GHR: variants seen among roughly 807,000 people sequenced by gnomAD.
GHR encodes the protein growth hormone receptor, also known as GH receptor.
In GHR, 35 loss-of-function variants were observed where a neutral mutation model predicts 67.1. That is an observed-to-expected ratio of 0.52 (90% CI 0.40 to 0.69). The LOEUF is 0.69. Ranked by LOEUF, GHR falls within the 30% of genes least tolerant of loss-of-function variation. The pLI is 0.00. For synonymous variants in GHR, 272 were observed against 269.1 expected, an observed-to-expected ratio of 1.01 and a Z score of -0.10; for missense variants, 792 against 764.6, an observed-to-expected ratio of 1.04 and a Z score of -0.42.
chr5:42,449,243 T>C (rs187593286), intron 1 of GHR, among the ~76,000 whole-genome samples: 315 of 152,366 alleles, frequency 2.1e-3, no homozygotes, highest in African/African-American at 7.3e-3. Context: ...ATTTTCACAA[T>C]ATTGATTCTA....
At chr5:42,636,242 TAAG>T (rs1754185133) in intron 3 of GHR, among the ~76,000 whole-genome samples, 1 of 148,732 alleles carries the variant, frequency 6.7e-6, no homozygotes, top group South Asian at 2.1e-4. Flanking sequence ...AATTAGAGCC[TAAG>T]AAGGATGATT....
At chr5:42,643,710 T>C (rs1426353932) in intron 3 of GHR, among the ~76,000 whole-genome samples, 4 of 148,322 alleles carry the variant, frequency 2.7e-5, no homozygotes, top group Non-Finnish European at 4.5e-5. Flanking sequence ...GCCAAGATAA[T>C]ACATTATGCC....
At chr5:42,715,206 C>G (rs1473731626) in intron 8 of GHR, 1 of 263,508 alleles carries the variant, frequency 3.8e-6, no homozygotes, top group Non-Finnish European at 7.8e-6. Flanking sequence ...AAAGAATTAA[C>G]TTTATTTTTT....
chr5:42,717,699 C>A (rs1377912570), intron 8 of GHR, among the ~76,000 whole-genome samples: 2 of 152,058 alleles, frequency 1.3e-5, no homozygotes, highest in African/African-American at 4.8e-5. Context: ...TGCCTTATAG[C>A]TGAAATGGAA....
chr5:42,534,355 TATGTA>T (rs1432298044), intron 1 of GHR, among the ~76,000 whole-genome samples: 1 of 141,336 alleles, frequency 7.1e-6, no homozygotes, highest in African/African-American at 2.6e-5. Flanking sequence ...TGTATGTATA[TATGTA>T]CATGTGTATA....
chr5:42,448,603 T>TTAC (rs1743918824), intron 1 of GHR, among the ~76,000 whole-genome samples: 1 of 148,114 alleles, frequency 6.8e-6, no homozygotes, highest in South Asian at 2.1e-4. Context: ...ATTATTATTA[T>TTAC]TATTATTATT....
chr5:42,643,290 G>A (rs1004988902), intron 3 of GHR, among the ~76,000 whole-genome samples: 7 of 152,160 alleles, frequency 4.6e-5, no homozygotes, highest in African/African-American at 1.7e-4. Flanking sequence ...ACCTCTCAGA[G>A]GCTCTCATCT....
Position 42,424,593 on chromosome 5 carries a change from A to C in GHR, c.-12+638A>C, listed in dbSNP as rs1447810758. 4.6e-6 allele frequency: 7 copies of C among 1,534,876 alleles called. No homozygotes were observed. The highest frequency in any genetic ancestry group is 4.4e-6 in the Non-Finnish European group (5 of 1,146,242). On this transcript the variant is annotated intron_variant, in intron 1 of 9. Transcript: ENST00000230882. This position sits in a 1 kb window ranked among gnomAD's most constrained non-coding sequence, Gnocchi z 4.1. ...GAGTGACAGCCACCAGTCCGCATGA[A>C]CTGGGGTAAGTGGAAATTGTGGCGA...
chr5:42,628,977 A>G, intron 2 of GHR, 61 bp from the exon 3 acceptor site: 1 of 950,992 alleles, frequency 1.1e-6, no homozygotes, highest in Non-Finnish European at 1.6e-6. Flanking sequence ...TAGTTTACAC[A>G]GGGTCATATC....
chr5:42,534,712 T>G (rs1418981245), intron 1 of GHR, among the ~76,000 whole-genome samples: 2 of 152,076 alleles, frequency 1.3e-5, no homozygotes, highest in Non-Finnish European at 2.9e-5. Flanking sequence ...TAGTTCTACT[T>G]TTAGTTCTTT....
At chr5:42,638,952 G>A (rs774559884) in intron 3 of GHR, among the ~76,000 whole-genome samples, 7 of 152,250 alleles carry the variant, frequency 4.6e-5, no homozygotes, top group Non-Finnish European at 1.0e-4. Context: ...CAACGGAAAC[G>A]TCACCTTTGT....
intron 1 of GHR, among the ~76,000 whole-genome samples, chr5:42,461,486 G>C (rs1210163060): frequency 6.6e-6 from 1 of 152,084 alleles, no homozygotes; most frequent in African/African-American, 2.4e-5. Context: ...CTTTTCATTG[G>C]GAGCCCCTTA....
At chr5:42,594,668 A>G (rs1007618448) in intron 2 of GHR, among the ~76,000 whole-genome samples, 1 of 152,098 alleles carries the variant, frequency 6.6e-6, no homozygotes, top group Admixed American at 6.5e-5. Context: ...ACTTTTCTAT[A>G]CTTGGTAACC....
intron 1 of GHR, among the ~76,000 whole-genome samples, chr5:42,477,910 T>C (rs866919282): frequency 6.6e-6 from 1 of 152,144 alleles, no homozygotes; most frequent in East Asian, 1.9e-4. Flanking sequence ...TGTCAATTTT[T>C]GCTTTTGTTG....
At chr5:42,477,059 T>G (rs1176624839) in intron 1 of GHR, among the ~76,000 whole-genome samples, 1 of 117,872 alleles carries the variant, frequency 8.5e-6, no homozygotes, top group Non-Finnish European at 1.6e-5. Context: ...CAGTCCCCAG[T>G]GTGTGATGTT....
At chr5:42,505,378 A>T (rs758180324) in intron 1 of GHR, among the ~76,000 whole-genome samples, 12 of 151,492 alleles carry the variant, frequency 7.9e-5, no homozygotes, top group East Asian at 3.9e-4. Context: ...AATTTTTTTT[A>T]AAAAAGTTAT....
At chr5:42,449,786 A>T (rs1327896968) in intron 1 of GHR, among the ~76,000 whole-genome samples, 1 of 152,082 alleles carries the variant, frequency 6.6e-6, no homozygotes, top group South Asian at 2.1e-4. Context: ...GGTTTTTATT[A>T]CTTTGAGTTA....
At chr5:42,468,044 A>T in intron 1 of GHR, 1 of 845,070 alleles carries the variant, frequency 1.2e-6, no homozygotes, top group South Asian at 1.7e-5. Flanking sequence ...AGCTTTCTGG[A>T]TTCTTCCTAA....
Position 42,533,392 on chromosome 5 carries a change from AG to A in GHR, c.-11-32471del, listed in dbSNP as rs565117030. ...TGTCTCTGTTATATATAGGTTGAAA[AG>A]TTTGCTCCCTATCTGCTGATTGCAT... On this transcript the variant is annotated intron_variant, in intron 1 of 9. Transcript: ENST00000230882. 3.6e-3 allele frequency among the ~76,000 whole-genome samples: 548 copies of A among 152,118 alleles called. 3 individuals carry two copies. The highest frequency in any genetic ancestry group is 0.012 in the African/African-American group (518 of 41,538).
Sources: allele counts gnomAD v4.1 joint callset (sites outside exome capture counted in the v4.1 genomes callset), GRCh38; gene constraint gnomAD v4.1.1; non-coding constraint Gnocchi (gnomAD v3.1); transcripts MANE v1.5; gene names NCBI Gene and HGNC (gene_info 2026-07-23, HGNC 2026-07-21).